The following OTUD7A variants were observed in gnomAD, a reference collection of about 807,000 sequenced individuals.
OTUD7A encodes the protein OTU domain-containing protein 7A.
A neutral mutation model predicts 65.7 loss-of-function variants in OTUD7A; 12 were observed. That is an observed-to-expected ratio of 0.18 (90% CI 0.12 to 0.30). OTUD7A has a LOEUF of 0.30. Ranked by LOEUF, OTUD7A falls within the 10% of genes least tolerant of loss-of-function variation. The pLI is 1.00. For missense variants in OTUD7A, 1,148 were observed against 1,304.8 expected (o/e 0.88, Z 1.85); for synonymous variants, 641 against 586.3 (o/e 1.09, Z -1.35).
Position 31,552,229 on chromosome 15 carries a change from T to C in OTUD7A, c.550+6740A>G, listed in dbSNP as rs575235000. The stretch of plus-strand genomic sequence containing the variant: ...CCAGAAGCAGATGCTGGCCCCATGC[T>C]TCTTGTACAGCCTGCAGAACTGTGA... On this transcript the variant is annotated intron_variant, in intron 5 of 12. Coordinates refer to ENST00000307050, the MANE Select transcript of OTUD7A (RefSeq NM_001382637.1). Among the ~76,000 whole-genome samples, 20 of 152,344 alleles carry C rather than the reference T, an allele frequency of 1.3e-4. No homozygotes were observed. The South Asian group carries it at 3.7e-3, about 28-fold the overall frequency.
intron 1 of OTUD7A, among the ~76,000 whole-genome samples, chr15:31,840,450 AT>A (rs764786850): frequency 1.2e-3 from 174 of 151,278 alleles, no homozygotes; most frequent in East Asian, 4.1e-3. Flanking sequence ...AAATTAAAAA[AT>A]AAAAATAAAA....
At chr15:31,693,373 T>C (rs1893002571) in intron 1 of OTUD7A, among the ~76,000 whole-genome samples, 2 of 152,034 alleles carry the variant, frequency 1.3e-5, no homozygotes. Flanking sequence ...AAAATAGCCA[T>C]TGGGTAAAAT....
At chr15:31,486,278 A>G (rs1374009388) in intron 12 of OTUD7A, among the ~76,000 whole-genome samples, 2 of 152,080 alleles carry the variant, frequency 1.3e-5, no homozygotes, top group Non-Finnish European at 2.9e-5. Context: ...CAGGACTCAA[A>G]CTGCCACCGA....
chr15:31,634,768 C>G (rs1056468792), intron 3 of OTUD7A, among the ~76,000 whole-genome samples: 2 of 152,260 alleles, frequency 1.3e-5, no homozygotes, highest in Admixed American at 6.5e-5. Context: ...ACACAGAAAC[C>G]GCCCAAGGCT....
chr15:31,553,662 G>A (rs529641370), intron 5 of OTUD7A, among the ~76,000 whole-genome samples: 1 of 151,750 alleles, frequency 6.6e-6, no homozygotes, highest in South Asian at 2.1e-4. Flanking sequence ...GGCCATGCTG[G>A]ACTCTTCCCT....
At chr15:31,723,107 C>T (rs1434041219) in intron 1 of OTUD7A, among the ~76,000 whole-genome samples, 1 of 152,104 alleles carries the variant, frequency 6.6e-6, no homozygotes, top group African/African-American at 2.4e-5. Context: ...TGCAGGAGGG[C>T]AAGGAGGTGA....
chr15:31,634,214 C>T (rs552637661), intron 3 of OTUD7A, among the ~76,000 whole-genome samples: 77 of 152,274 alleles, frequency 5.1e-4, no homozygotes, highest in African/African-American at 1.7e-3. Flanking sequence ...CCTGGAGCCC[C>T]GTCAGGGCAG....
chr15:31,576,928 G>A (rs1889219958), intron 3 of OTUD7A, among the ~76,000 whole-genome samples: 2 of 152,020 alleles, frequency 1.3e-5, no homozygotes, highest in African/African-American at 4.8e-5. Flanking sequence ...GACACACCTT[G>A]TAATACCGCC....
intron 1 of OTUD7A, among the ~76,000 whole-genome samples, chr15:31,839,220 C>G (rs1897128542): frequency 1.3e-5 from 2 of 152,244 alleles, no homozygotes; most frequent in African/African-American, 2.4e-5. Flanking sequence ...GCTCCAGCAA[C>G]TGGATTGCTT....
rs1272100227 is a variant in OTUD7A, at chr15:31,808,140, C to CACACACACACAA, written c.-100+62366_-100+62367insTTGTGTGTGTGT. Among the ~76,000 whole-genome samples, 1,264 of 140,318 alleles carry CACACACACACAA rather than the reference C, an allele frequency of 9.0e-3. 17 individuals carry two copies. The highest frequency in any genetic ancestry group is 0.024 in the Middle Eastern group (7 of 286). 92.1% of individuals were successfully genotyped at this position (140,318 alleles called of 152,430 possible). On this transcript the variant is annotated intron_variant, in intron 1 of 12. Coordinates refer to ENST00000307050, the MANE Select transcript of OTUD7A (RefSeq NM_001382637.1). ...ACACACACACACACACACACACAAA[C>CACACACACACAA]AAATCCTCACCAGGTTTTTCCTTCA...
chr15:31,693,816 A>C (rs1486790432), intron 1 of OTUD7A, among the ~76,000 whole-genome samples: 1 of 152,126 alleles, frequency 6.6e-6, no homozygotes, highest in Non-Finnish European at 1.5e-5. Flanking sequence ...GTCTGGGATC[A>C]GTACTAGTCA....
chr15:31,632,417 A>G (rs1891197414), intron 3 of OTUD7A, among the ~76,000 whole-genome samples: 1 of 152,232 alleles, frequency 6.6e-6, no homozygotes, highest in South Asian at 2.1e-4. Context: ...CCTGTAGAAC[A>G]GCGGTGGCTG....
At chr15:31,636,813 C>G (rs1050355726) in intron 3 of OTUD7A, among the ~76,000 whole-genome samples, 2 of 152,156 alleles carry the variant, frequency 1.3e-5, no homozygotes, top group African/African-American at 4.8e-5. Flanking sequence ...ATAGATCAAA[C>G]CAGTTACAAT....
chr15:31,602,038 G>A (rs1890092195), intron 3 of OTUD7A, among the ~76,000 whole-genome samples: 1 of 152,122 alleles, frequency 6.6e-6, no homozygotes, highest in African/African-American at 2.4e-5. Context: ...AAGAGGAGCT[G>A]GTACCATTCC....
intron 9 of OTUD7A, among the ~76,000 whole-genome samples, chr15:31,503,066 G>T (rs1274573191): frequency 6.6e-6 from 1 of 152,222 alleles, no homozygotes; most frequent in Non-Finnish European, 1.5e-5. Context: ...CCCCGCTGGG[G>T]ACATTGCCTA....
intron 3 of OTUD7A, among the ~76,000 whole-genome samples, chr15:31,634,909 C>A (rs1015424330): frequency 2.0e-5 from 3 of 152,184 alleles, no homozygotes; most frequent in African/African-American, 7.2e-5. Flanking sequence ...AAGGTTGGGA[C>A]CCTGGGGACG....
chr15:31,536,365 C>T (rs961922745), intron 5 of OTUD7A, among the ~76,000 whole-genome samples: 1 of 152,192 alleles, frequency 6.6e-6, no homozygotes, highest in African/African-American at 2.4e-5. Flanking sequence ...TATCAAGCTT[C>T]TAATGTTATG....
chr15:31,558,827 T>G, intron 5 of OTUD7A, 142 bp downstream of exon 5: 2 of 854,732 alleles, frequency 2.3e-6, no homozygotes, highest in Non-Finnish European at 3.7e-6. Context: ...GAGCAGGAGG[T>G]GCGGTGCAGC....
intron 4 of OTUD7A, among the ~76,000 whole-genome samples, chr15:31,562,474 T>C (rs1412811273): frequency 6.6e-6 from 1 of 152,036 alleles, no homozygotes; most frequent in Non-Finnish European, 1.5e-5. Context: ...TGCCTTCCCA[T>C]AGAAACCACC....
Sources: allele counts gnomAD v4.1 joint callset (sites outside exome capture counted in the v4.1 genomes callset), GRCh38; gene constraint gnomAD v4.1.1; transcripts MANE v1.5; gene names NCBI Gene and HGNC (gene_info 2026-07-23, HGNC 2026-07-21).